The following DPH6 variants were observed in gnomAD, a reference collection of about 807,000 sequenced individuals.
DPH6 encodes diphthamine biosynthesis 6.
Under a neutral mutation model 38.2 loss-of-function variants are expected in DPH6, and 33 were observed. The observed-to-expected ratio is 0.86, with a 90% CI of 0.65 to 1.15. The LOEUF is 1.15. Among genes scored for constraint, DPH6 ranks in the 50% most tolerant of loss-of-function variants. The probability of loss-of-function intolerance (pLI) is 0.00; values close to 1 mark genes in which losing one functional copy is unlikely to be tolerated. For missense variants in DPH6, 325 were observed against 320.0 expected (o/e 1.02, Z -0.12); for synonymous variants, 108 against 103.0 (o/e 1.05, Z -0.30).
intron 3 of DPH6, among the ~76,000 whole-genome samples, chr15:35,480,660 A>T (rs1366955817): frequency 1.3e-5 from 2 of 151,982 alleles, no homozygotes; most frequent in East Asian, 3.8e-4. Flanking sequence ...ATTTAATTTA[A>T]TAATTCCACT....
At chr15:35,269,453 G>T (rs929488735) in intron 3 of DPH6, among the ~76,000 whole-genome samples, 11 of 151,974 alleles carry the variant, frequency 7.2e-5, no homozygotes, top group Non-Finnish European at 1.6e-4. Context: ...TGAATTTTAG[G>T]ACTTCATTTT....
chr15:35,228,003 A>AT (rs1276459007), intron 3 of DPH6, among the ~76,000 whole-genome samples: 12 of 151,890 alleles, frequency 7.9e-5, no homozygotes, highest in African/African-American at 1.2e-4. Context: ...TATTTTTTCA[A>AT]TTTTTTGAAT....
At chr15:35,482,371 C>G (rs147591554) in intron 3 of DPH6, among the ~76,000 whole-genome samples, 2 of 152,236 alleles carry the variant, frequency 1.3e-5, no homozygotes, top group African/African-American at 4.8e-5. Context: ...GCCTCAAATC[C>G]TCCCTGACCT....
chr15:35,291,309 T>A (rs751380542), intron 3 of DPH6, among the ~76,000 whole-genome samples: 1 of 152,118 alleles, frequency 6.6e-6, no homozygotes, highest in Non-Finnish European at 1.5e-5. Context: ...TTGACTTACG[T>A]TGGGAATCCT....
At chr15:35,448,992 TTTTTTTGCTTAAATCCAAAAAAAGTCCC>T (rs1269943635) in intron 5 of DPH6, among the ~76,000 whole-genome samples, 2 of 130,888 alleles carry the variant, frequency 1.5e-5, no homozygotes, top group Admixed American at 1.7e-4. Context: ...TCATTTTTTT[TTTTTTTGCTTAAATCCAAAAAAAGTCCC>T]TTTTTTTTGG....
chr15:35,405,840 A>AT (rs2053285207), intron 6 of DPH6, among the ~76,000 whole-genome samples: 1 of 152,010 alleles, frequency 6.6e-6, no homozygotes, highest in Non-Finnish European at 1.5e-5. Flanking sequence ...GATCTGTCAT[A>AT]TAAGGCTTTT....
At chr15:35,499,715 G>A (rs576973293) in intron 3 of DPH6, among the ~76,000 whole-genome samples, 2 of 152,334 alleles carry the variant, frequency 1.3e-5, no homozygotes, top group Admixed American at 6.5e-5. Context: ...ACTAGTTCCA[G>A]CAGCTAAGAG....
intron 5 of DPH6, among the ~76,000 whole-genome samples, chr15:35,433,976 T>G (rs945888122): frequency 3.3e-5 from 5 of 152,194 alleles, no homozygotes; most frequent in Non-Finnish European, 5.9e-5. Context: ...GGTTGTGACA[T>G]TCCCAAATGT....
intron 5 of DPH6, among the ~76,000 whole-genome samples, chr15:35,436,514 C>CAAAA (rs1277172991): frequency 1.6e-5 from 2 of 123,200 alleles, no homozygotes; most frequent in South Asian, 2.8e-4. Flanking sequence ...CAAAACAAAA[C>CAAAA]AAAAAAGGTT....
chr15:35,534,184 C>A (rs1254910030), intron 3 of DPH6, among the ~76,000 whole-genome samples: 1 of 151,892 alleles, frequency 6.6e-6, no homozygotes, highest in East Asian at 1.9e-4. Context: ...TTGAGACCAG[C>A]CTGACCAACA....
chr15:35,492,452 T>C (rs1399165324), intron 3 of DPH6, among the ~76,000 whole-genome samples: 1 of 152,138 alleles, frequency 6.6e-6, no homozygotes, highest in African/African-American at 2.4e-5. Context: ...AAACTATATA[T>C]CATATAAGTG....
the DPH6 span, among the ~76,000 whole-genome samples, chr15:35,154,604 G>A: frequency 1.3e-5 from 2 of 152,168 alleles, no homozygotes; most frequent in Admixed American, 6.5e-5. Context: ...ATAAAAAAAT[G>A]TTCTCTCCAT....
At chr15:35,298,484 T>A (rs1471849239) in intron 3 of DPH6, 2 of 772,874 alleles carry the variant, frequency 2.6e-6, no homozygotes, top group Non-Finnish European at 4.8e-6. Flanking sequence ...GGTTTTAACT[T>A]CCAAGTCTTC....
intron 3 of DPH6, among the ~76,000 whole-genome samples, chr15:35,302,787 C>T (rs376497972): frequency 1.5e-4 from 22 of 151,394 alleles, no homozygotes; most frequent in African/African-American, 4.8e-4. Context: ...ACAATGAAGA[C>T]GATTTTTCTT....
At chr15:35,545,411 A>G (rs1433009440) in intron 1 of DPH6, among the ~76,000 whole-genome samples, 1 of 152,240 alleles carries the variant, frequency 6.6e-6, no homozygotes. Flanking sequence ...TACGGAGTAT[A>G]GGGTAAGGTC....
At chr15:35,330,646 G>A (rs1566871575), downstream of DPH6, among the ~76,000 whole-genome samples, 1 of 152,186 alleles carries the variant, frequency 6.6e-6, no homozygotes, top group African/African-American at 2.4e-5. Flanking sequence ...ATATGCACCT[G>A]AGACCTGACT....
chr15:35,258,896 C>T (rs1330685862), intron 3 of DPH6, among the ~76,000 whole-genome samples: 1 of 152,082 alleles, frequency 6.6e-6, no homozygotes, highest in East Asian at 1.9e-4. Context: ...CACCTGTAAC[C>T]CCAGCACTTT....
At chr15:35,382,040 G>A in intron 6 of DPH6, 124 bp from the exon 7 acceptor site, 1 of 689,264 alleles carries the variant, frequency 1.5e-6, no homozygotes, top group Non-Finnish European at 2.5e-6. Context: ...TGCAAGGTAA[G>A]GAAAATTAAT....
intron 7 of DPH6, among the ~76,000 whole-genome samples, chr15:35,377,005 T>C (rs964273103): frequency 6.6e-6 from 1 of 152,164 alleles, no homozygotes; most frequent in Non-Finnish European, 1.5e-5. Flanking sequence ...TATATGCACA[T>C]ATATATACAC....
Sources: gnomAD v4.1 joint callset for allele counts (sites outside exome capture counted in the v4.1 genomes callset) on GRCh38, gnomAD v4.1.1 for gene constraint, MANE v1.5 for transcripts, NCBI Gene and HGNC (gene_info 2026-07-23, HGNC 2026-07-21) for gene names.